Variants in GART observed in about 807,000 individuals in gnomAD.
GART encodes phosphoribosylglycinamide formyltransferase, phosphoribosylglycinamide synthetase, phosphoribosylaminoimidazole synthetase.
A neutral mutation model predicts 107.2 loss-of-function variants in GART; 43 were observed. The ratio of observed to expected loss-of-function variants is 0.40; its 90% CI spans 0.31 to 0.52. The LOEUF is 0.52. Ranked by LOEUF, GART falls within the 20% of genes least tolerant of loss-of-function variation. The pLI is 0.52. For synonymous variants in GART, 434 were observed against 427.0 expected, an observed-to-expected ratio of 1.02 and a Z score of -0.20; for missense variants, 1,107 against 1,206.5, an observed-to-expected ratio of 0.92 and a Z score of 1.22.
chr21:33,524,982 G>C lies in GART; in HGVS notation c.1085C>G (p.Ala362Gly). The C allele has an allele frequency of 1.2e-6, 2 of 1,614,100 alleles. No individual in the cohort carries two copies. Among genetic ancestry groups the C allele is most frequent in the Admixed American group, 1.7e-5 (1 of 60,014 alleles). ...VEITGFPEAQ[A>G]LGLEVFHAGT... ...TGCATGGAACACCTCCAGTCCTAGA[G>C]CTTGAGCCTCAGGAAACCCTAGAAG... The change falls in exon 11 of 22, where the codon GCT (alanine) becomes GGT (glycine). Residue 362 changes from alanine to glycine, a missense_variant. Ala to Gly is a moderately conservative substitution (Grantham distance 60, BLOSUM62 0). Coordinates refer to ENST00000381815, the MANE Select transcript of GART (RefSeq NM_000819.5).
chr21:33,539,227 A>G lies in GART; in HGVS notation c.89T>C (p.Val30Ala), dbSNP rs2145771236. ...KLAQSHHVKQVLVAPGNAGTA... is the reference protein window; with the variant it reads ...KLAQSHHVKQALVAPGNAGTA... ...GCCTGCGTTTCCTGGGGCAACCAAC[A>G]CTTGTTTGACATGATGAGACTGTGC... The change falls in exon 2 of 22, where the codon GTG (valine) becomes GCG (alanine). Residue 30 changes from valine to alanine, a missense_variant. Val to Ala is a moderately conservative substitution (Grantham distance 64, BLOSUM62 0). Transcript: ENST00000381815. The G allele has an allele frequency of 3.7e-6, 6 of 1,614,136 alleles. No individual in the cohort carries two copies. The highest frequency in any genetic ancestry group is 4.2e-6 in the Non-Finnish European group (5 of 1,179,998).
intron 8 of GART, 44 bp from the exon 9 acceptor site, chr21:33,528,648 TATG>T: frequency 7.7e-7 from 1 of 1,304,560 alleles, no homozygotes; most frequent in South Asian, 1.4e-5. Flanking sequence ...AAAGAAAATC[TATG>T]ATGAAGACAC....
chr21:33,516,900 T>C (rs561833268), intron 16 of GART, 89 bp downstream of exon 16: 2 of 1,137,580 alleles, frequency 1.8e-6, no homozygotes, highest in African/African-American at 1.6e-5. Context: ...TGTGTAATCA[T>C]GTGTACATTA....
chr21:33,521,078 T>A, intron 12 of GART, 63 bp from the exon 13 acceptor site: 1 of 1,344,070 alleles, frequency 7.4e-7, no homozygotes, highest in Non-Finnish European at 1.1e-6. Context: ...ATTATTTAAA[T>A]GTCTACTAGT....
At chr21:33,532,177 C>G in intron 5 of GART, 168 bp downstream of exon 5, 3 of 604,278 alleles carry the variant, frequency 5.0e-6, no homozygotes, top group East Asian at 5.6e-5. Flanking sequence ...AGTGTAAATC[C>G]ATAACTATTT....
At chr21:33,517,274 G>A in intron 15 of GART, 83 bp downstream of exon 15, 23 of 1,579,360 alleles carry the variant, frequency 1.5e-5, no homozygotes, top group South Asian at 2.3e-5. Context: ...TTCCCTTTTA[G>A]CTCTAAGTAA....
rs1401596577 is a variant in GART at position 33,511,306 on chromosome 21, G to A, written c.2260C>T (p.Gln754Ter). 3 of 1,614,120 alleles carry A rather than the reference G, an allele frequency of 1.9e-6. No homozygotes were observed. Among genetic ancestry groups the A allele is most frequent in the Non-Finnish European group, 1.7e-6 (2 of 1,180,018 alleles). ...EQTEQILRDIQQHKEEAWVIG... is the reference protein window; with the variant it reads ...EQTEQILRDI ...ACCCAGGCTTCTTCCTTGTGCTGCT[G>A]GATATCCCTCAGAATCTGCTCTGTC... is the stretch of plus-strand genomic sequence containing the variant. Residue 754 changes from glutamine to a stop codon, truncating the protein, a stop_gained, in exon 17 of 22, where the codon CAG (glutamine) becomes TAG (stop). Coordinates refer to ENST00000381815, the MANE Select transcript of GART (RefSeq NM_000819.5). LOFTEE classifies it high-confidence loss of function.
At chr21:33,509,695 C>G in intron 18 of GART, 88 bp downstream of exon 18, 2 of 1,389,658 alleles carry the variant, frequency 1.4e-6, no homozygotes, top group South Asian at 1.4e-5. Context: ...TAGACTCTGC[C>G]GAGAGTAACC....
In GART at chr21:33,539,268, C is replaced by T. The variant is rs753095184; in HGVS notation, c.48G>A (p.Thr16=). The T allele has an allele frequency of 9.3e-6, 15 of 1,614,060 alleles. No homozygotes were observed. The highest frequency in any genetic ancestry group is 8.3e-5 in the Admixed American group (5 of 60,006). Residue 16 remains threonine (T), a synonymous_variant, in exon 2 of 22, where the codon ACG becomes ACA. Transcript: ENST00000381815. ...GAGACTGTGCAAGTTTCCAGGCCAG[C>T]GTATGTTCCCTTCCTCCACTGCCAA... ...LIIGSGGREH[T]LAWKLAQSHH...
At chr21:33,522,604 T>C (rs2084993334) in intron 11 of GART, among the ~76,000 whole-genome samples, 1 of 152,246 alleles carries the variant, frequency 6.6e-6, no homozygotes, top group Non-Finnish European at 1.5e-5. Context: ...TTCTTTTAAA[T>C]GATTTTTTAT....
At position 33,535,274 on chromosome 21, in the gene GART, C is replaced by T; in HGVS notation, c.192G>A (p.Glu64=). 1 of 1,437,998 alleles carries T rather than the reference C, an allele frequency of 7.0e-7. No homozygotes were observed. Among genetic ancestry groups the T allele is most frequent in the Non-Finnish European group, 9.3e-7 (1 of 1,072,556 alleles). 89.1% of individuals were successfully genotyped at this position (1,437,998 alleles called of 1,614,324 possible). The part of the protein sequence containing the change: ...DHTALAQFCK[E]KKIEFVVVGP... ...CAACAACTACAAATTCAATTTTCTT[C>T]TCTTTGCAGAATTGAGCAAGGGCAG... The change falls in exon 3 of 22, where the codon GAG becomes GAA. Residue 64 remains glutamate, a synonymous_variant. Transcript: ENST00000381815.
intron 3 of GART, 64 bp downstream of exon 3, chr21:33,535,161 A>T: frequency 1.0e-6 from 1 of 978,744 alleles, no homozygotes; most frequent in Non-Finnish European, 1.5e-6. Context: ...GAATTGGATT[A>T]GATGATCCCT....
At chr21:33,521,358 G>A (rs1440843955) in intron 12 of GART, among the ~76,000 whole-genome samples, 4 of 152,220 alleles carry the variant, frequency 2.6e-5, no homozygotes, top group East Asian at 1.9e-4. Context: ...AAGGCTGGGC[G>A]TGGTGGCTCA....
Position 33,511,384 on chromosome 21 carries a change from C to G in GART, c.2182G>C (p.Ala728Pro), listed in dbSNP as rs766500743. ...CCAACCCCACAGTTAAATGTTCTGG[C>G]CATCTCTTCCTCAGAGAGGTGTCCT... ...QEGHLSEEEM[A>P]RTFNCGVGAV... Residue 728 changes from alanine (A) to proline (P), a missense_variant, in exon 17 of 22, where the codon GCC (alanine) becomes CCC (proline). Physicochemically the swap from Ala to Pro is conservative, Grantham distance 27. Coordinates refer to ENST00000381815, the MANE Select transcript of GART (RefSeq NM_000819.5). 5 of 1,614,136 alleles carry G rather than the reference C, an allele frequency of 3.1e-6. No individual in the cohort carries two copies. The Admixed American group carries it at 8.3e-5, about 27-fold the overall frequency.
At chr21:33,521,581 G>A (rs2084973842) in intron 12 of GART, among the ~76,000 whole-genome samples, 1 of 140,024 alleles carries the variant, frequency 7.1e-6, no homozygotes, top group Non-Finnish European at 1.5e-5. Flanking sequence ...GCAGCTAGCC[G>A]AAATGGCACC....
At chr21:33,528,033 T>C (rs1467289917) in intron 10 of GART, 134 bp downstream of exon 10, 1 of 721,148 alleles carries the variant, frequency 1.4e-6, no homozygotes, top group Admixed American at 2.3e-5. Flanking sequence ...ATAAGCAACA[T>C]GGTTAAGACC....
At position 33,528,911 on chromosome 21, in the gene GART, A is replaced by T. The variant is rs139699867; in HGVS notation, c.750T>A (p.Ile250=). The T allele has an allele frequency of 6.2e-7, 1 of 1,612,534 alleles. No homozygotes were observed. The highest frequency in any genetic ancestry group is 8.5e-7 in the Non-Finnish European group (1 of 1,178,714). ...PQVSNDLLLK[I]KDTVLQRTVD... ...CTGTCCTCTGAAGAACAGTATCTTTAATTTTTAGTAATAGATCATTAGAAA... is the reference window on the plus strand; with the variant it reads ...CTGTCCTCTGAAGAACAGTATCTTTTATTTTTAGTAATAGATCATTAGAAA... Residue 250 remains isoleucine, a synonymous_variant, in exon 8 of 22, where the codon ATT becomes ATA. Coordinates refer to ENST00000381815, the MANE Select transcript of GART (RefSeq NM_000819.5).
chr21:33,505,582 G>C lies in GART; in HGVS notation c.2704C>G (p.Pro902Ala), dbSNP rs2084664026. 7.5e-6 allele frequency: 12 copies of C among 1,594,282 alleles called. No homozygotes were observed. The highest frequency in any genetic ancestry group is 1.8e-5 in the Admixed American group (1 of 54,144). ...LAGFMRILSGPFVQKWNGKML... is the reference protein window; with the variant it reads ...LAGFMRILSGAFVQKWNGKML... ...TTACCATTCCACTTTTGGACAAAGGGGCCAGAAAGAATTCTCATGAATCCT... is the reference window on the plus strand; with the variant it reads ...TTACCATTCCACTTTTGGACAAAGGCGCCAGAAAGAATTCTCATGAATCCT... The change falls in exon 20 of 22, where the codon CCC (proline) becomes GCC (alanine). Residue 902 changes from proline (P) to alanine (A), a missense_variant. Transcript: ENST00000381815.
At chr21:33,516,074 C>T (rs1306467756) in intron 16 of GART, among the ~76,000 whole-genome samples, 1 of 151,624 alleles carries the variant, frequency 6.6e-6, no homozygotes, top group Admixed American at 6.6e-5. Context: ...AAGGTGAAAC[C>T]CTGTCTCTAC....
Sources: allele counts gnomAD v4.1 joint callset (sites outside exome capture counted in the v4.1 genomes callset), GRCh38; gene constraint gnomAD v4.1.1; transcripts MANE v1.5; gene names NCBI Gene and HGNC (gene_info 2026-07-23, HGNC 2026-07-21).